Variants in NEO1 observed in about 807,000 individuals in gnomAD.
NEO1 encodes neogenin 1.
In NEO1, 63 loss-of-function variants were observed where a neutral mutation model predicts 159.7. The ratio of observed to expected loss-of-function variants is 0.39; its 90% CI spans 0.32 to 0.49. The LOEUF (loss-of-function observed/expected upper bound fraction) is 0.49. NEO1 is among the 20% of genes least tolerant of loss of function. NEO1 has a pLI of 0.85. For missense variants in NEO1, 1,615 were observed against 1,831.0 expected (o/e 0.88, Z 2.15); for synonymous variants, 633 against 662.0 (o/e 0.96, Z 0.67).
chr15:73,108,246 G>C (rs1026413460), intron 1 of NEO1, among the ~76,000 whole-genome samples: 1 of 152,144 alleles, frequency 6.6e-6, no homozygotes, highest in Admixed American at 6.6e-5. Flanking sequence ...CCAAGTAACT[G>C]GTTAGAACAT....
At chr15:73,126,859 T>G (rs1464631539) in intron 4 of NEO1, among the ~76,000 whole-genome samples, 1 of 147,140 alleles carries the variant, frequency 6.8e-6, no homozygotes, top group Non-Finnish European at 1.5e-5. Context: ...TGCAAGAGCT[T>G]TGGTCCTGAG....
intron 5 of NEO1, among the ~76,000 whole-genome samples, chr15:73,142,299 T>A (rs2032470477): frequency 6.6e-6 from 1 of 152,164 alleles, no homozygotes; most frequent in Non-Finnish European, 1.5e-5. Context: ...ACAGGAGATG[T>A]TGAAGCTGCG....
chr15:73,242,051 C>T (rs1195937920), intron 8 of NEO1, among the ~76,000 whole-genome samples: 3 of 152,178 alleles, frequency 2.0e-5, no homozygotes, highest in Admixed American at 1.3e-4. Context: ...GTGCTTCTGT[C>T]GTACACGAAC....
intron 5 of NEO1, among the ~76,000 whole-genome samples, chr15:73,157,745 G>A (rs1176841760): frequency 1.3e-5 from 2 of 152,200 alleles, no homozygotes; most frequent in Non-Finnish European, 2.9e-5. Flanking sequence ...GATGAGATAT[G>A]CTGGAAATGC....
Position 73,260,408 on chromosome 15 carries a change from C to T in NEO1, c.2341C>T (p.His781Tyr), listed in dbSNP as rs2040569671. The T allele has an allele frequency of 6.2e-7, 1 of 1,613,966 alleles. No homozygotes were observed. The highest frequency in any genetic ancestry group is 1.1e-5 in the South Asian group (1 of 91,062). Reference sequence around the variant, plus strand: ...CATTGGTTATGGCATTGGCAGCCCTCATGCCCAGACCATCAAAGTGGACTA... The same window carrying T: ...CATTGGTTATGGCATTGGCAGCCCTTATGCCCAGACCATCAAAGTGGACTA... Reference protein sequence around the residue: ...YAIGYGIGSPHAQTIKVDYKQ... With the variant: ...YAIGYGIGSPYAQTIKVDYKQ... The change falls in exon 15 of 29, where the codon CAT becomes TAT. Residue 781 changes from histidine (H) to tyrosine (Y), a missense_variant. His to Tyr is a moderately conservative substitution (Grantham distance 83). Coordinates refer to ENST00000261908, the MANE Select transcript of NEO1 (RefSeq NM_002499.4).
intron 4 of NEO1, among the ~76,000 whole-genome samples, chr15:73,134,780 G>A (rs2031560581): frequency 6.6e-6 from 1 of 152,046 alleles, no homozygotes; most frequent in Admixed American, 6.6e-5. Context: ...AGGCCGGGGC[G>A]GGTGGATCAC....
intron 1 of NEO1, among the ~76,000 whole-genome samples, chr15:73,099,926 A>G (rs562311385): frequency 2.0e-5 from 3 of 152,310 alleles, no homozygotes; most frequent in East Asian, 1.9e-4. Context: ...CCACGGAATT[A>G]TATCATTTTC....
At chr15:73,092,036 G>A (rs7173142) in intron 1 of NEO1, among the ~76,000 whole-genome samples, 61,538 of 152,030 alleles carry the variant, frequency 0.4, 13,599 homozygotes, top group Middle Eastern at 0.51. Flanking sequence ...TCTCTATTCA[G>A]ATGGAGAAAT....
rs575763948 is a variant in NEO1 at position 73,249,978 on chromosome 15, C to T, written c.1894+257C>T. Among the ~76,000 whole-genome samples, 132 of 152,250 alleles carry T rather than the reference C, an allele frequency of 8.7e-4. 1 individual carries two copies. The highest frequency in any genetic ancestry group is 3.1e-3 in the African/African-American group (127 of 41,550). On this transcript the variant is annotated intron_variant, in intron 11 of 28. Transcript: ENST00000261908. Reference sequence around the variant, plus strand: ...TGCCTCTTACTGGATAGGCTCTCAGCGTTTGTGTTTTTAGCAGAAGCTTTT... The same window carrying T: ...TGCCTCTTACTGGATAGGCTCTCAGTGTTTGTGTTTTTAGCAGAAGCTTTT...
At chr15:73,089,840 A>G (rs548879287) in intron 1 of NEO1, among the ~76,000 whole-genome samples, 12 of 152,352 alleles carry the variant, frequency 7.9e-5, no homozygotes, top group Admixed American at 2.6e-4. Context: ...TTATGGGCAC[A>G]GAGATGTTCC....
At chr15:73,131,412 C>A (rs2151718520) in intron 4 of NEO1, among the ~76,000 whole-genome samples, 1 of 152,332 alleles carries the variant, frequency 6.6e-6, no homozygotes, top group Non-Finnish European at 1.5e-5. Context: ...ACAACAAATA[C>A]AAAACTAAAT....
In NEO1 at chr15:73,122,644, C is replaced by G; in HGVS notation, c.568C>G (p.Gln190Glu). The G allele has an allele frequency of 6.2e-7, 1 of 1,614,158 alleles. No individual in the cohort carries two copies. Among genetic ancestry groups the G allele is most frequent in the Non-Finnish European group, 8.5e-7 (1 of 1,180,030 alleles). ...VPFVRWEQNR[Q>E]PLLLDDRVIK... The stretch of plus-strand genomic sequence containing the variant: ...ATTTGTGAGGTGGGAACAGAACAGA[C>G]AACCCCTTCTTCTGGATGATAGAGT... Residue 190 changes from glutamine (Q) to glutamate (E), a missense_variant, in exon 3 of 29, where the codon CAA becomes GAA. Physicochemically the swap from Gln to Glu is conservative, Grantham distance 29 (BLOSUM62 2). Coordinates refer to ENST00000261908, the MANE Select transcript of NEO1 (RefSeq NM_002499.4).
At chr15:73,077,097 G>A (rs1042608806) in intron 1 of NEO1, among the ~76,000 whole-genome samples, 1 of 152,188 alleles carries the variant, frequency 6.6e-6, no homozygotes, top group African/African-American at 2.4e-5. Context: ...AGGCTGGAGT[G>A]TAGTGACATG....
intron 5 of NEO1, among the ~76,000 whole-genome samples, chr15:73,169,125 T>C (rs1017809): frequency 0.091 from 13,867 of 152,170 alleles, 828 homozygotes; most frequent in African/African-American, 0.16. Flanking sequence ...GTGTTGGCCC[T>C]ATATTGTTAT....
intron 7 of NEO1, among the ~76,000 whole-genome samples, chr15:73,187,810 A>G (rs2036016672): frequency 6.6e-6 from 1 of 152,180 alleles, no homozygotes; most frequent in African/African-American, 2.4e-5. Flanking sequence ...TTTAAGATGT[A>G]TTAATGGGTC....
chr15:73,179,675 T>C (rs1455476133), intron 7 of NEO1, among the ~76,000 whole-genome samples: 1 of 152,152 alleles, frequency 6.6e-6, no homozygotes, highest in Non-Finnish European at 1.5e-5. Flanking sequence ...TTTTGCAGCA[T>C]AGGCAATGAA....
chr15:73,183,425 G>A (rs2035735127), intron 7 of NEO1, among the ~76,000 whole-genome samples: 1 of 152,160 alleles, frequency 6.6e-6, no homozygotes, highest in African/African-American at 2.4e-5. Flanking sequence ...TTGATGCCGG[G>A]GAAAGGGTAG....
chr15:73,206,838 TGTG>T, intron 7 of NEO1, among the ~76,000 whole-genome samples: 2 of 6,820 alleles, frequency 2.9e-4, no homozygotes, highest in Non-Finnish European at 5.2e-3. Flanking sequence ...TGTGTGTATG[TGTG>T]TGTGTGCGTG....
chr15:73,088,821 T>C (rs1469929646), intron 1 of NEO1, among the ~76,000 whole-genome samples: 1 of 151,936 alleles, frequency 6.6e-6, no homozygotes, highest in East Asian at 1.9e-4. Flanking sequence ...GGTAAATTAA[T>C]TGGGCGTGAA....
Sources: allele counts gnomAD v4.1 joint callset (sites outside exome capture counted in the v4.1 genomes callset), GRCh38; gene constraint gnomAD v4.1.1; transcripts MANE v1.5; gene names NCBI Gene and HGNC (gene_info 2026-07-23, HGNC 2026-07-21).